The following FBXO4 variants were observed in gnomAD, a reference collection of about 807,000 sequenced individuals.
FBXO4 encodes the protein F-box only protein 4.
A neutral mutation model predicts 43.7 loss-of-function variants in FBXO4; 36 were observed. The observed-to-expected ratio is 0.82, with a 90% CI of 0.63 to 1.09. FBXO4 has a LOEUF of 1.09. FBXO4 is among the 50% of genes least tolerant of loss of function. The pLI is 0.00. For synonymous variants in FBXO4, 180 were observed against 165.6 expected, an observed-to-expected ratio of 1.09 and a Z score of -0.67; for missense variants, 435 against 474.1, an observed-to-expected ratio of 0.92 and a Z score of 0.77.
chr5:41,978,606 C>T, the FBXO4 span, among the ~76,000 whole-genome samples: 591 of 152,058 alleles, frequency 3.9e-3, 3 homozygotes, highest in African/African-American at 0.014. Context: ...CTTTGTTTAA[C>T]CTACTAAACT....
At chr5:41,950,127 G>T in the FBXO4 span, among the ~76,000 whole-genome samples, 3 of 152,114 alleles carry the variant, frequency 2.0e-5, no homozygotes, top group Admixed American at 6.5e-5. Context: ...AGAAAACCTA[G>T]GCAATACCAT....
At chr5:41,950,101 C>A in the FBXO4 span, among the ~76,000 whole-genome samples, 2 of 152,156 alleles carry the variant, frequency 1.3e-5, no homozygotes, top group Admixed American at 6.5e-5. Flanking sequence ...AGACCTAAAA[C>A]CATAAAAACC....
chr5:42,006,877 G>C, the FBXO4 span, among the ~76,000 whole-genome samples: 8 of 67,442 alleles, frequency 1.2e-4, no homozygotes, highest in South Asian at 3.3e-3. Flanking sequence ...ACATTCCTAA[G>C]GTTCATGCTG....
At chr5:41,992,699 GT>G in the FBXO4 span, among the ~76,000 whole-genome samples, 5 of 152,328 alleles carry the variant, frequency 3.3e-5, no homozygotes, top group East Asian at 9.6e-4. Flanking sequence ...GAATTGTTAT[GT>G]AAAAGTGTTT....
chr5:42,011,437 G>A, the FBXO4 span, among the ~76,000 whole-genome samples: 1 of 152,174 alleles, frequency 6.6e-6, no homozygotes, highest in Non-Finnish European at 1.5e-5. Flanking sequence ...GCTCATCCGG[G>A]ACTTTCCAAC....
chr5:41,975,284 G>C, the FBXO4 span, among the ~76,000 whole-genome samples: 2 of 152,188 alleles, frequency 1.3e-5, no homozygotes, highest in African/African-American at 2.4e-5. Flanking sequence ...TGCTGGAATT[G>C]TCTTTCTATA....
At chr5:41,994,681 C>T in the FBXO4 span, among the ~76,000 whole-genome samples, 1 of 152,148 alleles carries the variant, frequency 6.6e-6, no homozygotes. Flanking sequence ...ATCACCCCAG[C>T]CAACACTGTA....
At chr5:42,031,020 C>A in the FBXO4 span, among the ~76,000 whole-genome samples, 3 of 152,130 alleles carry the variant, frequency 2.0e-5, no homozygotes, top group Non-Finnish European at 2.9e-5. Flanking sequence ...GGACTGTAAA[C>A]TAGTTCAACC....
At chr5:42,031,141 A>C in the FBXO4 span, among the ~76,000 whole-genome samples, 2 of 152,190 alleles carry the variant, frequency 1.3e-5, 1 homozygote, top group East Asian at 3.8e-4. Context: ...TCATGCTGCT[A>C]TAAAGACACA....
the FBXO4 span, among the ~76,000 whole-genome samples, chr5:42,033,390 A>T: frequency 1.2e-4 from 18 of 152,106 alleles, no homozygotes; most frequent in Admixed American, 7.2e-4. Context: ...TTTTTTTAAA[A>T]TTTTACTTTA....
chr5:41,972,805 G>T, the FBXO4 span, among the ~76,000 whole-genome samples: 1 of 151,908 alleles, frequency 6.6e-6, no homozygotes, highest in Non-Finnish European at 1.5e-5. Context: ...CAACAAAACT[G>T]ACAACAAGCA....
chr5:41,930,394 G>A (rs1042741360), intron 3 of FBXO4, among the ~76,000 whole-genome samples: 4 of 152,134 alleles, frequency 2.6e-5, no homozygotes, highest in Non-Finnish European at 5.9e-5. Context: ...TATTTATTGA[G>A]AGCCAGCCCC....
At chr5:42,015,781 AAT>A in the FBXO4 span, among the ~76,000 whole-genome samples, 18 of 152,142 alleles carry the variant, frequency 1.2e-4, no homozygotes, top group Admixed American at 1.1e-3. Flanking sequence ...AGAAAATGAG[AAT>A]AGAGAGTCTG....
chr5:41,929,980 G>T, intron 3 of FBXO4, 63 bp downstream of exon 3: 1 of 1,283,608 alleles, frequency 7.8e-7, no homozygotes, highest in East Asian at 2.3e-5. Flanking sequence ...TTGTTAAAAA[G>T]AAAGAAATTC....
chr5:42,010,722 G>A, the FBXO4 span, among the ~76,000 whole-genome samples: 2 of 152,076 alleles, frequency 1.3e-5, no homozygotes. Flanking sequence ...TGAAGTAAAA[G>A]TGCTGCACTT....
chr5:41,998,191 G>C, the FBXO4 span, among the ~76,000 whole-genome samples: 1 of 152,214 alleles, frequency 6.6e-6, no homozygotes, highest in African/African-American at 2.4e-5. Flanking sequence ...GCCACCACTT[G>C]GTCCCTGACA....
rs139473757 is a variant in FBXO4, at chr5:41,929,822, C to G, written c.551C>G (p.Pro184Arg). 4.3e-6 allele frequency: 7 copies of G among 1,613,970 alleles called. No individual in the cohort carries two copies. The African/African-American group carries it at 5.3e-5, about 12-fold the overall frequency. Residue 184 changes from proline to arginine, a missense_variant, in exon 3 of 7, where the codon CCA (proline) becomes CGA (arginine). Transcript: ENST00000281623. ...QNEPRFAMFG[P>R]GLEELNTSLV... ...GAACCACGATTTGCTATGTTTGGACCAGGTTTGGAAGAATTGAATACCTCT... is the reference window on the plus strand; with the variant it reads ...GAACCACGATTTGCTATGTTTGGACGAGGTTTGGAAGAATTGAATACCTCT...
chr5:42,030,404 A>G, the FBXO4 span, among the ~76,000 whole-genome samples: 2 of 152,066 alleles, frequency 1.3e-5, no homozygotes, highest in African/African-American at 4.8e-5. Context: ...GGCTAGCCAT[A>G]TGTAGAAAGC....
At chr5:42,025,112 G>GT in the FBXO4 span, among the ~76,000 whole-genome samples, 8 of 118,700 alleles carry the variant, frequency 6.7e-5, no homozygotes, top group African/African-American at 2.4e-4. Context: ...TTTTTGTTTT[G>GT]TTTTTTTAGA....
Sources: allele counts gnomAD v4.1 joint callset (sites outside exome capture counted in the v4.1 genomes callset), GRCh38; gene constraint gnomAD v4.1.1; transcripts MANE v1.5; gene names NCBI Gene and HGNC (gene_info 2026-07-23, HGNC 2026-07-21).